Variants in GALNT13 observed in about 807,000 individuals in gnomAD.
The protein encoded by GALNT13 is polypeptide N-acetylgalactosaminyltransferase 13.
Under a neutral mutation model 64.2 loss-of-function variants are expected in GALNT13, and 28 were observed. The observed-to-expected ratio is 0.44, with a 90% CI of 0.32 to 0.60. The LOEUF is 0.60. GALNT13 is among the 20% of genes least tolerant of loss of function. The probability of loss-of-function intolerance (pLI) is 0.05; values close to 1 mark genes in which losing one functional copy is unlikely to be tolerated. For missense variants in GALNT13, 577 were observed against 669.8 expected (o/e 0.86, Z 1.53); for synonymous variants, 214 against 224.6 (o/e 0.95, Z 0.42).
At chr2:154,242,658 T>C (rs1055008406) in intron 5 of GALNT13, 40 bp from the exon 6 acceptor site, 50 of 1,395,740 alleles carry the variant, frequency 3.6e-5, no homozygotes, top group Non-Finnish European at 4.4e-5. Context: ...CTTAAAACAG[T>C]TTCAAAAATT....
chr2:154,375,151 C>T (rs1328492313), intron 9 of GALNT13, among the ~76,000 whole-genome samples: 1 of 152,038 alleles, frequency 6.6e-6, no homozygotes, highest in African/African-American at 2.4e-5. Flanking sequence ...CCAAGCCCAG[C>T]TAATTTTTTA....
At chr2:153,380,967 C>T in the GALNT13 span, among the ~76,000 whole-genome samples, 1 of 151,948 alleles carries the variant, frequency 6.6e-6, no homozygotes. Context: ...GAGACAGAGT[C>T]TCATTCTGTC....
At chr2:153,788,056 G>A in the GALNT13 span, among the ~76,000 whole-genome samples, 1 of 152,100 alleles carries the variant, frequency 6.6e-6, no homozygotes, top group Non-Finnish European at 1.5e-5. Flanking sequence ...CCTAGCTAGG[G>A]AGGCCAATAT....
At chr2:153,974,574 A>G (rs1419129626) in intron 3 of GALNT13, among the ~76,000 whole-genome samples, 1 of 152,084 alleles carries the variant, frequency 6.6e-6, no homozygotes, top group Non-Finnish European at 1.5e-5. Flanking sequence ...GGAGGAGATA[A>G]TAAATATAAC....
the GALNT13 span, among the ~76,000 whole-genome samples, chr2:153,690,527 C>T: frequency 6.6e-6 from 1 of 152,016 alleles, no homozygotes; most frequent in African/African-American, 2.4e-5. Flanking sequence ...CCAGGAGGTA[C>T]CCCAAATGCT....
At chr2:153,523,694 A>G in the GALNT13 span, among the ~76,000 whole-genome samples, 1 of 152,198 alleles carries the variant, frequency 6.6e-6, no homozygotes, top group Non-Finnish European at 1.5e-5. Context: ...ATCACTTACC[A>G]GTTTCAGAAG....
At chr2:154,156,117 A>T (rs1479596217) in intron 4 of GALNT13, among the ~76,000 whole-genome samples, 1 of 151,918 alleles carries the variant, frequency 6.6e-6, no homozygotes, top group African/African-American at 2.4e-5. Flanking sequence ...CTAAAATGTC[A>T]TAGGAGACTT....
chr2:153,618,422 A>G, the GALNT13 span, among the ~76,000 whole-genome samples: 1 of 151,810 alleles, frequency 6.6e-6, no homozygotes, highest in Admixed American at 6.6e-5. Flanking sequence ...ATGTATTAAG[A>G]CATATTTTAT....
At chr2:153,077,761 A>C in the GALNT13 span, among the ~76,000 whole-genome samples, 1 of 152,250 alleles carries the variant, frequency 6.6e-6, no homozygotes, top group African/African-American at 2.4e-5. Flanking sequence ...GTAGCAATTC[A>C]TGAATTGGGG....
chr2:153,113,676 TG>T, the GALNT13 span, among the ~76,000 whole-genome samples: 1 of 152,128 alleles, frequency 6.6e-6, no homozygotes, highest in Admixed American at 6.5e-5. Context: ...CTAAAAGATA[TG>T]TAATTACATA....
At chr2:154,269,906 G>GTGTGTATATATATATATATATA (rs529424469) in intron 8 of GALNT13, among the ~76,000 whole-genome samples, 1 of 96,884 alleles carries the variant, frequency 1.0e-5, no homozygotes, top group Non-Finnish European at 2.1e-5. Context: ...ATATATATGT[G>GTGTGTATATATATATATATATA]TATATATATA....
intron 9 of GALNT13, among the ~76,000 whole-genome samples, chr2:154,331,116 G>A (rs972287669): frequency 1.3e-5 from 2 of 151,698 alleles, no homozygotes; most frequent in Admixed American, 1.3e-4. Flanking sequence ...TTAAAATATT[G>A]TGCCATATTA....
intron 8 of GALNT13, among the ~76,000 whole-genome samples, chr2:154,278,693 C>T (rs1691789610): frequency 1.3e-5 from 2 of 152,006 alleles, no homozygotes. Context: ...ACAGAGAAGT[C>T]AGGAAGTAGG....
chr2:153,344,878 G>T, the GALNT13 span, among the ~76,000 whole-genome samples: 9 of 152,222 alleles, frequency 5.9e-5, no homozygotes, highest in East Asian at 1.4e-3. Flanking sequence ...TATACAATTT[G>T]AATTTCTCAA....
chr2:154,408,307 G>A (rs1378727932), intron 10 of GALNT13, among the ~76,000 whole-genome samples: 1 of 152,064 alleles, frequency 6.6e-6, no homozygotes, highest in African/African-American at 2.4e-5. Flanking sequence ...ATGTTTGAAT[G>A]TAAACCAAGA....
At chr2:153,694,435 T>A in the GALNT13 span, among the ~76,000 whole-genome samples, 2 of 152,114 alleles carry the variant, frequency 1.3e-5, no homozygotes, top group African/African-American at 2.4e-5. Context: ...ATATAGCAAT[T>A]GAAAAAACTA....
chr2:153,574,541 G>A, the GALNT13 span, among the ~76,000 whole-genome samples: 9 of 151,924 alleles, frequency 5.9e-5, no homozygotes, highest in South Asian at 4.2e-4. Context: ...ATTGCTTTTC[G>A]TTCTTTTTGC....
intron 3 of GALNT13, among the ~76,000 whole-genome samples, chr2:154,014,694 G>C (rs559748501): frequency 1.5e-5 from 2 of 130,696 alleles, no homozygotes; most frequent in South Asian, 2.5e-4. Flanking sequence ...GTGCAGTGGC[G>C]CAATCTCAGC....
At chr2:153,535,916 A>G in the GALNT13 span, among the ~76,000 whole-genome samples, 1 of 152,084 alleles carries the variant, frequency 6.6e-6, no homozygotes, top group Non-Finnish European at 1.5e-5. Flanking sequence ...GGAAGAAATG[A>G]CTGCAGTGGC....
Sources: allele counts gnomAD v4.1 joint callset (sites outside exome capture counted in the v4.1 genomes callset), GRCh38; gene constraint gnomAD v4.1.1; transcripts MANE v1.5; gene names NCBI Gene and HGNC (gene_info 2026-07-23, HGNC 2026-07-21).